The following NEDD4L variants were observed in gnomAD, a reference collection of about 807,000 sequenced individuals.
The protein encoded by NEDD4L is NEDD4 like E3 ubiquitin protein ligase.
A neutral mutation model predicts 148.9 loss-of-function variants in NEDD4L; 54 were observed. That is an observed-to-expected ratio of 0.36 (90% CI 0.29 to 0.45). The LOEUF is 0.45. Among genes scored for constraint, NEDD4L ranks in the 20% least tolerant of loss-of-function variants. The pLI, the probability that NEDD4L is intolerant of heterozygous loss-of-function variation, is 1.00. For missense variants in NEDD4L, 856 were observed against 1,233.8 expected (o/e 0.69, Z 4.59); for synonymous variants, 433 against 440.7 (o/e 0.98, Z 0.22).
At chr18:58,369,832 C>G (rs905921454) in intron 22 of NEDD4L, among the ~76,000 whole-genome samples, 8 of 152,228 alleles carry the variant, frequency 5.3e-5, no homozygotes, top group African/African-American at 1.9e-4. Context: ...GGGGGTTGCA[C>G]AGGCCCTCTC....
At chr18:58,062,525 A>G (rs532990593) in intron 1 of NEDD4L, among the ~76,000 whole-genome samples, 1 of 152,258 alleles carries the variant, frequency 6.6e-6, no homozygotes, top group East Asian at 1.9e-4. Context: ...AAATGGAGAA[A>G]AGGAGAGCTT....
At chr18:58,109,451 G>C (rs925359221) in intron 1 of NEDD4L, among the ~76,000 whole-genome samples, 3 of 152,174 alleles carry the variant, frequency 2.0e-5, no homozygotes, top group African/African-American at 7.2e-5. Flanking sequence ...AGGCCACATG[G>C]CATGGTTGGA....
intron 2 of NEDD4L, among the ~76,000 whole-genome samples, chr18:58,215,130 CTATG>C (rs1342274086): frequency 6.6e-6 from 1 of 152,072 alleles, no homozygotes; most frequent in Admixed American, 6.6e-5. Flanking sequence ...CGTGATATAT[CTATG>C]TGTGAGGGTT....
At chr18:58,081,424 C>T (rs1381261701) in intron 1 of NEDD4L, among the ~76,000 whole-genome samples, 1 of 151,898 alleles carries the variant, frequency 6.6e-6, no homozygotes, top group Non-Finnish European at 1.5e-5. Context: ...ACCGTGTTAG[C>T]CAGGAAGGTC....
intron 24 of NEDD4L, among the ~76,000 whole-genome samples, chr18:58,376,802 G>A (rs956046092): frequency 6.6e-5 from 10 of 152,272 alleles, no homozygotes; most frequent in South Asian, 2.1e-4. Context: ...AAGGTCCTGC[G>A]TGGCCTGGCT....
intron 2 of NEDD4L, among the ~76,000 whole-genome samples, chr18:58,212,428 CAG>C (rs762115426): frequency 2.0e-4 from 30 of 152,310 alleles, no homozygotes; most frequent in Non-Finnish European, 3.5e-4. Context: ...TACATGGTGG[CAG>C]GCAACAGAGT....
intron 18 of NEDD4L, among the ~76,000 whole-genome samples, chr18:58,356,427 A>G (rs2044670780): frequency 6.6e-6 from 1 of 151,806 alleles, no homozygotes; most frequent in Non-Finnish European, 1.5e-5. Flanking sequence ...CCTAGTACAC[A>G]CACAGGAATC....
In NEDD4L at chr18:58,176,524, G is replaced by A. The variant is rs569184995; in HGVS notation, c.122+10663G>A. Among the ~76,000 whole-genome samples the A allele has an allele frequency of 2.0e-5, 3 of 152,272 alleles. No individual in the cohort carries two copies. In the South Asian group the frequency reaches 6.2e-4, roughly 32 times the overall value. Reference sequence around the variant, plus strand: ...AATTTTTAAAAATTTTTATAGAGGTGTTGTCTTGCTGTGTTGCCCAGGTGG... The same window carrying A: ...AATTTTTAAAAATTTTTATAGAGGTATTGTCTTGCTGTGTTGCCCAGGTGG... On this transcript the variant is annotated intron_variant, in intron 2 of 30. Transcript: ENST00000400345.
intron 1 of NEDD4L, among the ~76,000 whole-genome samples, chr18:58,072,858 G>GCA (rs1733662546): frequency 8.2e-6 from 1 of 121,656 alleles, no homozygotes; most frequent in South Asian, 2.6e-4. Flanking sequence ...AAATCCTAAG[G>GCA]CGCGCGCGCG....
intron 1 of NEDD4L, among the ~76,000 whole-genome samples, chr18:58,146,608 C>T (rs181412999): frequency 6.6e-6 from 1 of 152,274 alleles, no homozygotes; most frequent in East Asian, 1.9e-4. Flanking sequence ...CCTGTAGCCT[C>T]CTGGAAGCTG....
chr18:58,090,394 G>C (rs1480545812), intron 1 of NEDD4L, among the ~76,000 whole-genome samples: 1 of 152,214 alleles, frequency 6.6e-6, no homozygotes, highest in Non-Finnish European at 1.5e-5. Context: ...TGTTTTCTTT[G>C]GTATGAGAAC....
At chr18:58,205,607 T>C (rs939238443) in intron 2 of NEDD4L, among the ~76,000 whole-genome samples, 49 of 151,776 alleles carry the variant, frequency 3.2e-4, no homozygotes, top group African/African-American at 1.1e-3. Context: ...ATGATTAAGT[T>C]AGTAAGAATA....
At chr18:58,123,181 G>A (rs568887006) in intron 1 of NEDD4L, among the ~76,000 whole-genome samples, 5 of 152,156 alleles carry the variant, frequency 3.3e-5, no homozygotes, top group East Asian at 3.8e-4. Context: ...TGAAGACACC[G>A]CCAACCCTGC....
intron 5 of NEDD4L, among the ~76,000 whole-genome samples, chr18:58,308,966 C>A (rs2057362787): frequency 6.6e-6 from 1 of 152,250 alleles, no homozygotes; most frequent in Admixed American, 6.5e-5. Context: ...GGGCTGCACC[C>A]TCGTGGTGCT....
intron 6 of NEDD4L, among the ~76,000 whole-genome samples, chr18:58,319,475 T>C (rs1464601214): frequency 6.6e-6 from 1 of 152,208 alleles, no homozygotes; most frequent in Non-Finnish European, 1.5e-5. Context: ...CTACTCTCTT[T>C]CAAGATGAAA....
chr18:58,143,757 G>T (rs553842598), intron 1 of NEDD4L, among the ~76,000 whole-genome samples: 1 of 152,338 alleles, frequency 6.6e-6, no homozygotes, highest in South Asian at 2.1e-4. Flanking sequence ...AGAAGACACA[G>T]CGGCCGGTGG....
chr18:58,304,631 G>A lies in NEDD4L; in HGVS notation c.298-11351G>A, dbSNP rs537655914. ...TGGATGAGATTGGCCTTTGGTGATT[G>A]AGAAACCTTCCTTTGGTTGTTCAGC... On this transcript the variant is annotated intron_variant, in intron 5 of 30. Coordinates refer to ENST00000400345, the MANE Select transcript of NEDD4L (RefSeq NM_001144967.3). Among the ~76,000 whole-genome samples the A allele has an allele frequency of 9.2e-5, 14 of 152,356 alleles. No individual in the cohort carries two copies. In the South Asian group the frequency reaches 2.9e-3, roughly 32 times the overall value.
chr18:58,379,034 G>T (rs1264840814), intron 24 of NEDD4L, among the ~76,000 whole-genome samples: 1 of 152,232 alleles, frequency 6.6e-6, no homozygotes, highest in Non-Finnish European at 1.5e-5. Context: ...GCTGTGGCTG[G>T]GCATTGTGTT....
chr18:58,301,578 A>C (rs2056465275), intron 5 of NEDD4L, among the ~76,000 whole-genome samples: 1 of 152,196 alleles, frequency 6.6e-6, no homozygotes. Flanking sequence ...ATTGGATTAT[A>C]AACTATTATC....
Sources: gnomAD v4.1 joint callset for allele counts (sites outside exome capture counted in the v4.1 genomes callset) on GRCh38, gnomAD v4.1.1 for gene constraint, MANE v1.5 for transcripts, NCBI Gene and HGNC (gene_info 2026-07-23, HGNC 2026-07-21) for gene names.